Variants in SNTG1 observed in about 807,000 individuals in gnomAD.
SNTG1 encodes the protein syntrophin gamma 1.
A neutral mutation model predicts 74.7 loss-of-function variants in SNTG1; 39 were observed. That is an observed-to-expected ratio of 0.52 (90% CI 0.40 to 0.68). SNTG1 has a LOEUF of 0.68. Ranked by LOEUF, SNTG1 falls within the 30% of genes least tolerant of loss-of-function variation. The probability of loss-of-function intolerance (pLI) is 0.00; values close to 1 mark genes in which losing one functional copy is unlikely to be tolerated. For missense variants in SNTG1, 685 were observed against 609.5 expected, an observed-to-expected ratio of 1.12 and a Z score of -1.30; for synonymous variants, 254 against 217.1, an observed-to-expected ratio of 1.17 and a Z score of -1.49.
intron 8 of SNTG1, among the ~76,000 whole-genome samples, chr8:50,478,030 T>C (rs905663094): frequency 6.6e-6 from 1 of 152,202 alleles, no homozygotes. Context: ...GTAATCTAGA[T>C]GACCCATTAC....
intron 3 of SNTG1, among the ~76,000 whole-genome samples, chr8:50,396,424 T>C (rs2092729464): frequency 6.6e-6 from 1 of 152,154 alleles, no homozygotes; most frequent in South Asian, 2.1e-4. Flanking sequence ...ACTCGAATAA[T>C]GGCTAGAATT....
intron 2 of SNTG1, among the ~76,000 whole-genome samples, chr8:50,269,867 T>A (rs969847719): frequency 1.3e-5 from 2 of 152,146 alleles, no homozygotes; most frequent in African/African-American, 4.8e-5. Flanking sequence ...ATTTACTCTA[T>A]GAGCTTAGGA....
intron 1 of SNTG1, among the ~76,000 whole-genome samples, chr8:50,057,172 T>C (rs1820094514): frequency 6.6e-6 from 1 of 152,102 alleles, no homozygotes; most frequent in South Asian, 2.1e-4. Context: ...GGAAGAATTG[T>C]TTTACTCAGA....
intron 5 of SNTG1, among the ~76,000 whole-genome samples, chr8:50,446,259 C>T (rs533420218): frequency 1.9e-3 from 287 of 151,976 alleles, no homozygotes; most frequent in Non-Finnish European, 3.3e-3. Context: ...ATGAAGGCAG[C>T]GTGATTTTGA....
chr8:49,938,593 T>TTTC (rs1563370854), intron 1 of SNTG1, among the ~76,000 whole-genome samples: 18 of 21,210 alleles, frequency 8.5e-4, no homozygotes, highest in African/African-American at 2.2e-3. Flanking sequence ...TTTTCTTTTC[T>TTTC]TTTCTTTTCT....
intron 2 of SNTG1, among the ~76,000 whole-genome samples, chr8:50,247,705 G>A (rs941099353): frequency 1.3e-5 from 2 of 149,050 alleles, no homozygotes; most frequent in Admixed American, 1.3e-4. Context: ...TTTTTATTTT[G>A]TAGAGACTGG....
intron 2 of SNTG1, among the ~76,000 whole-genome samples, chr8:50,284,881 T>C (rs566105750): frequency 7.9e-5 from 12 of 152,300 alleles, no homozygotes; most frequent in Non-Finnish European, 1.3e-4. Context: ...TATGTGTATA[T>C]ATTCACATTT....
chr8:50,601,194 G>A (rs1192303485), intron 13 of SNTG1, among the ~76,000 whole-genome samples: 1 of 125,516 alleles, frequency 8.0e-6, no homozygotes, highest in Non-Finnish European at 1.5e-5. Context: ...AGACATGTTA[G>A]GCTATTAAGC....
Position 50,683,912 on chromosome 8 carries a change from AC to A in SNTG1, c.1039-20686del, listed in dbSNP as rs1246735255. Reference sequence around the variant, plus strand: ...GGTTACTTTTCAAAAAGTGGTGACCACCTGTTTTTAATCACAATTGAAGAAA... The same window carrying A: ...GGTTACTTTTCAAAAAGTGGTGACCACTGTTTTTAATCACAATTGAAGAAA... On this transcript the variant is annotated intron_variant, in intron 15 of 18. Coordinates refer to ENST00000642720, the MANE Select transcript of SNTG1 (RefSeq NM_018967.5). Among the ~76,000 whole-genome samples, 7 of 152,234 alleles carry A rather than the reference AC, an allele frequency of 4.6e-5. No individual in the cohort carries two copies. In the East Asian group the frequency reaches 1.2e-3, roughly 25 times the overall value.
intron 1 of SNTG1, among the ~76,000 whole-genome samples, chr8:49,963,623 C>T (rs1810888989): frequency 6.6e-6 from 1 of 152,164 alleles, no homozygotes; most frequent in South Asian, 2.1e-4. Context: ...CCTCTCCATT[C>T]TGTCAGCTGG....
At chr8:50,198,481 G>A (rs1434017316) in intron 2 of SNTG1, among the ~76,000 whole-genome samples, 4 of 152,060 alleles carry the variant, frequency 2.6e-5, no homozygotes, top group African/African-American at 4.8e-5. Flanking sequence ...CAGTCCTCAG[G>A]CAGCTACAGA....
intron 4 of SNTG1, among the ~76,000 whole-genome samples, chr8:50,404,449 C>A (rs926602145): frequency 3.9e-5 from 6 of 152,020 alleles, no homozygotes; most frequent in Admixed American, 1.3e-4. Context: ...CTTACAATAA[C>A]CAGAATAATC....
intron 18 of SNTG1, among the ~76,000 whole-genome samples, chr8:50,761,133 G>A (rs140187074): frequency 9.2e-5 from 14 of 151,998 alleles, no homozygotes; most frequent in East Asian, 2.0e-4. Context: ...GTAAGATACC[G>A]GCAAACCGAA....
intron 2 of SNTG1, among the ~76,000 whole-genome samples, chr8:50,330,996 T>C (rs570835199): frequency 4.6e-5 from 7 of 152,170 alleles, no homozygotes; most frequent in Admixed American, 1.3e-4. Flanking sequence ...AGAAACAGGA[T>C]ATAATTCTTT....
intron 17 of SNTG1, among the ~76,000 whole-genome samples, chr8:50,715,353 T>C (rs2095472461): frequency 6.6e-6 from 1 of 152,224 alleles, no homozygotes. Flanking sequence ...CCCAAATTGT[T>C]ATAGTCTGAT....
At chr8:49,933,087 T>C (rs1807742892) in intron 1 of SNTG1, among the ~76,000 whole-genome samples, 1 of 152,194 alleles carries the variant, frequency 6.6e-6, no homozygotes, top group South Asian at 2.1e-4. Flanking sequence ...TTAACATTCA[T>C]GTGCAAGTTT....
At chr8:50,480,549 A>T (rs1273472993) in intron 8 of SNTG1, among the ~76,000 whole-genome samples, 1 of 152,216 alleles carries the variant, frequency 6.6e-6, no homozygotes, top group Non-Finnish European at 1.5e-5. Flanking sequence ...GTAAATGGAA[A>T]CAAATTGCTA....
chr8:50,769,068 T>G (rs1220673422), intron 18 of SNTG1, among the ~76,000 whole-genome samples: 3 of 151,922 alleles, frequency 2.0e-5, no homozygotes, highest in Non-Finnish European at 4.4e-5. Flanking sequence ...TGATATATTT[T>G]TTCTCCTTGC....
At chr8:50,471,132 C>T (rs997772124) in intron 8 of SNTG1, among the ~76,000 whole-genome samples, 2 of 151,840 alleles carry the variant, frequency 1.3e-5, no homozygotes, top group African/African-American at 4.8e-5. Context: ...CAAGTCCCAA[C>T]CCACCCCAGA....
Sources: allele counts gnomAD v4.1 joint callset (sites outside exome capture counted in the v4.1 genomes callset), GRCh38; gene constraint gnomAD v4.1.1; transcripts MANE v1.5; gene names NCBI Gene and HGNC (gene_info 2026-07-23, HGNC 2026-07-21).